PREX2: variants seen among roughly 807,000 people sequenced by gnomAD.
PREX2 encodes the protein phosphatidylinositol-3,4,5-trisphosphate dependent Rac exchange factor 2, also known as phosphatidylinositol 3,4,5-trisphosphate-dependent Rac exchanger 2 protein.
A neutral mutation model predicts 203.2 loss-of-function variants in PREX2; 107 were observed. That is an observed-to-expected ratio of 0.53 (90% CI 0.45 to 0.62). The LOEUF (loss-of-function observed/expected upper bound fraction) is 0.62. PREX2 is among the 20% of genes least tolerant of loss of function. PREX2 has a pLI of 0.00. For synonymous variants in PREX2, 672 were observed against 663.6 expected, an observed-to-expected ratio of 1.01 and a Z score of -0.19; for missense variants, 1,777 against 1,955.9, an observed-to-expected ratio of 0.91 and a Z score of 1.72.
rs779930863 is a variant in PREX2, at chr8:68,022,157, G to T, written c.441+17G>T. 8.3e-7 allele frequency: 1 copy of T among 1,202,218 alleles called. No individual in the cohort carries two copies. Among genetic ancestry groups the T allele is most frequent in the Non-Finnish European group, 1.2e-6 (1 of 804,942 alleles). 74.5% of individuals were successfully genotyped at this position (1,202,218 alleles called of 1,614,324 possible). The stretch of plus-strand genomic sequence containing the variant: ...TTTCTTTTGGTAAGTGTATATTTAT[G>T]TGTTACTGTATGTTGATATGTGTTG... On this transcript the variant is annotated intron_variant, in intron 4 of 39. Transcript: ENST00000288368.
intron 10 of PREX2, among the ~76,000 whole-genome samples, chr8:68,060,037 T>A (rs1312020213): frequency 1.3e-5 from 2 of 152,252 alleles, no homozygotes; most frequent in African/African-American, 4.8e-5. Flanking sequence ...TAAAGTCTAC[T>A]GACTTGGAGT....
chr8:68,117,060 C>T (rs1437191250), intron 26 of PREX2, among the ~76,000 whole-genome samples: 2 of 152,162 alleles, frequency 1.3e-5, no homozygotes. Context: ...CTTCTTCACT[C>T]ATTTATTATG....
At chr8:67,978,257 A>G (rs1401856697) in intron 1 of PREX2, among the ~76,000 whole-genome samples, 1 of 152,100 alleles carries the variant, frequency 6.6e-6, no homozygotes, top group African/African-American at 2.4e-5. Flanking sequence ...TTGTGAGAGT[A>G]TCATAGGAGA....
At chr8:68,181,079 A>C (rs538275017) in intron 35 of PREX2, among the ~76,000 whole-genome samples, 2 of 152,246 alleles carry the variant, frequency 1.3e-5, no homozygotes, top group East Asian at 3.9e-4. Flanking sequence ...CATTAACAAT[A>C]TTTACTGAGC....
In PREX2 at chr8:68,198,278, T is replaced by C. The variant is rs535339571; in HGVS notation, c.4604+5753T>C. The stretch of plus-strand genomic sequence containing the variant: ...CTTTTTTGATGAACAAATAAAAGTA[T>C]TTAATATCTTTTGAATTTGTTTCTC... On this transcript the variant is annotated intron_variant, in intron 37 of 39. Coordinates refer to ENST00000288368, the MANE Select transcript of PREX2 (RefSeq NM_024870.4). 1.0e-3 allele frequency among the ~76,000 whole-genome samples: 152 copies of C among 152,372 alleles called. 1 individual carries two copies. In the South Asian group the frequency reaches 0.012, roughly 12 times the overall value.
intron 1 of PREX2, among the ~76,000 whole-genome samples, chr8:67,953,726 T>A (rs1330488669): frequency 6.6e-6 from 1 of 152,224 alleles, no homozygotes; most frequent in Admixed American, 6.5e-5. Context: ...GGCTGCGTTA[T>A]GGTTGACTTC....
intron 35 of PREX2, among the ~76,000 whole-genome samples, chr8:68,190,607 T>G (rs1333896124): frequency 6.6e-6 from 1 of 151,742 alleles, no homozygotes; most frequent in African/African-American, 2.4e-5. Flanking sequence ...TGTGGAGAGG[T>G]AGGAAGGGGA....
intron 36 of PREX2, 70 bp from the exon 37 acceptor site, chr8:68,192,265 C>A: frequency 8.4e-7 from 1 of 1,193,344 alleles, no homozygotes; most frequent in South Asian, 1.6e-5. Context: ...TCTTTAACAG[C>A]TATACCAACC....
chr8:68,122,178 G>A (rs1343671535), intron 30 of PREX2, among the ~76,000 whole-genome samples: 1 of 152,004 alleles, frequency 6.6e-6, no homozygotes, highest in Non-Finnish European at 1.5e-5. Context: ...TAAATGTTCT[G>A]TGATTACTAA....
At chr8:68,030,424 C>T in intron 5 of PREX2, 73 bp from the exon 6 acceptor site, 1 of 1,414,982 alleles carries the variant, frequency 7.1e-7, no homozygotes, top group Non-Finnish European at 9.6e-7. Flanking sequence ...GTTTTCATTT[C>T]CTGGTCAGTC....
intron 37 of PREX2, among the ~76,000 whole-genome samples, chr8:68,203,485 G>T (rs1471320095): frequency 1.3e-5 from 2 of 152,170 alleles, no homozygotes; most frequent in African/African-American, 4.8e-5. Context: ...GATTAGTACA[G>T]AGAGAGAAAG....
At position 68,134,214 on chromosome 8, in the gene PREX2, C is replaced by T; in HGVS notation, c.3922C>T (p.Leu1308=). ...AACTTGGGAAGCCAGCAGGAGGTGGCTGGACCAGATAGCGAATGCAGGTGT... is the reference window on the plus strand; with the variant it reads ...AACTTGGGAAGCCAGCAGGAGGTGGTTGGACCAGATAGCGAATGCAGGTGT... ...METWEASRRW[L]DQIANAGVLF... is the part of the protein sequence containing the mutation. Residue 1308 remains leucine, a synonymous_variant, in exon 32 of 40, where the codon CTG becomes TTG. Coordinates refer to ENST00000288368, the MANE Select transcript of PREX2 (RefSeq NM_024870.4). The T allele has an allele frequency of 5.0e-6, 8 of 1,614,146 alleles. No homozygotes were observed. The highest frequency in any genetic ancestry group is 5.9e-6 in the Non-Finnish European group (7 of 1,179,998).
intron 37 of PREX2, among the ~76,000 whole-genome samples, chr8:68,194,659 G>A (rs1321511735): frequency 6.6e-6 from 1 of 151,850 alleles, no homozygotes; most frequent in Non-Finnish European, 1.5e-5. Flanking sequence ...AAATTAGCCG[G>A]GCATGGTGGC....
chr8:68,052,867 A>G (rs1808562408), intron 8 of PREX2, among the ~76,000 whole-genome samples: 1 of 152,200 alleles, frequency 6.6e-6, no homozygotes, highest in South Asian at 2.1e-4. Flanking sequence ...GTTTCATGTA[A>G]TGTATTAACA....
At chr8:68,108,392 T>C in intron 24 of PREX2, 61 bp downstream of exon 24, 3 of 1,183,296 alleles carry the variant, frequency 2.5e-6, no homozygotes, top group Non-Finnish European at 2.5e-6. Flanking sequence ...TCATAGCTAT[T>C]CATGCATCCC....
intron 1 of PREX2, among the ~76,000 whole-genome samples, chr8:67,990,856 G>T (rs1475599448): frequency 6.6e-6 from 1 of 152,074 alleles, no homozygotes; most frequent in Non-Finnish European, 1.5e-5. Context: ...CCCATAATTA[G>T]CCTTAAAGGA....
chr8:68,097,447 C>T (rs893109688), intron 22 of PREX2, among the ~76,000 whole-genome samples: 7 of 152,042 alleles, frequency 4.6e-5, no homozygotes, highest in Non-Finnish European at 8.8e-5. Flanking sequence ...GCCTCAGTCT[C>T]CCAAGTAGCT....
At chr8:67,999,089 TA>T (rs1236585849) in intron 1 of PREX2, among the ~76,000 whole-genome samples, 3 of 152,130 alleles carry the variant, frequency 2.0e-5, no homozygotes, top group Non-Finnish European at 2.9e-5. Flanking sequence ...GTAAAGCTTT[TA>T]AAAATATTCA....
chr8:68,058,421 C>G (rs572527223), intron 10 of PREX2, among the ~76,000 whole-genome samples: 22 of 149,940 alleles, frequency 1.5e-4, no homozygotes, highest in Non-Finnish European at 3.1e-4. Flanking sequence ...CCTTTGGTTG[C>G]ACTATGACAT....
Sources: gnomAD v4.1 joint callset for allele counts (sites outside exome capture counted in the v4.1 genomes callset) on GRCh38, gnomAD v4.1.1 for gene constraint, MANE v1.5 for transcripts, NCBI Gene and HGNC (gene_info 2026-07-23, HGNC 2026-07-21) for gene names.